The following TBC1D1 variants were observed in gnomAD, a reference collection of about 807,000 sequenced individuals.
The protein encoded by TBC1D1 is TBC1 (tre-2/USP6, BUB2, cdc16) domain family, member 1.
In TBC1D1, 89 loss-of-function variants were observed where a neutral mutation model predicts 125.6. The observed-to-expected ratio is 0.71, with a 90% CI of 0.60 to 0.85. TBC1D1 has a LOEUF of 0.85. TBC1D1 is among the 40% of genes least tolerant of loss of function. The probability of loss-of-function intolerance (pLI) is 0.00; values close to 1 mark genes in which losing one functional copy is unlikely to be tolerated. For synonymous variants in TBC1D1, 565 were observed against 564.1 expected, an observed-to-expected ratio of 1.00 and a Z score of -0.02; for missense variants, 1,377 against 1,469.2, an observed-to-expected ratio of 0.94 and a Z score of 1.03.
In TBC1D1 at chr4:38,014,499, C is replaced by T. The variant is rs760962386; in HGVS notation, c.418-10C>T. 1 of 1,608,432 alleles carries T rather than the reference C, an allele frequency of 6.2e-7. No individual in the cohort carries two copies. The highest frequency in any genetic ancestry group is 1.3e-5 in the African/African-American group (1 of 74,856). Reference sequence around the variant, plus strand: ...CATGTTCCAAATAACACGCCTCTCTCTCTCCTCAGGTGCCTGAGATCATCA... The same window carrying T: ...CATGTTCCAAATAACACGCCTCTCTTTCTCCTCAGGTGCCTGAGATCATCA... On this transcript the variant is annotated splice_polypyrimidine_tract_variant and intron_variant, in intron 2 of 19. Transcript: ENST00000261439. The surrounding 1 kb of genome is among the most constrained non-coding windows in gnomAD (Gnocchi z 5.1).
intron 2 of TBC1D1, among the ~76,000 whole-genome samples, chr4:37,941,656 C>A (rs1389754911): frequency 1.3e-5 from 2 of 152,174 alleles, no homozygotes; most frequent in African/African-American, 2.4e-5. Context: ...CTCTTGTGGG[C>A]ATTTAGTGCT....
At chr4:37,954,824 G>GAA (rs11380099) in intron 2 of TBC1D1, among the ~76,000 whole-genome samples, 1,764 of 131,530 alleles carry the variant, frequency 0.013, 36 homozygotes, top group African/African-American at 0.045. Flanking sequence ...CAGCTGACAT[G>GAA]AAAAAAAAAA....
At chr4:37,906,786 A>T (rs1393632926) in intron 2 of TBC1D1, among the ~76,000 whole-genome samples, 1 of 152,232 alleles carries the variant, frequency 6.6e-6, no homozygotes, top group African/African-American at 2.4e-5. Flanking sequence ...GACCCCTTGT[A>T]TACTTAAACT....
intron 7 of TBC1D1, among the ~76,000 whole-genome samples, chr4:38,028,699 A>G (rs1261776036): frequency 1.3e-5 from 2 of 152,202 alleles, no homozygotes; most frequent in Non-Finnish European, 2.9e-5. Context: ...TAAAATGGAA[A>G]GCGCCTCAGG....
intron 12 of TBC1D1, among the ~76,000 whole-genome samples, chr4:38,087,719 G>A (rs61441161): frequency 0.034 from 5,197 of 151,454 alleles, 237 homozygotes; most frequent in African/African-American, 0.1. Flanking sequence ...GCGCATGCCT[G>A]TAATTCCAAC....
intron 18 of TBC1D1, among the ~76,000 whole-genome samples, chr4:38,131,760 C>A (rs772668970): frequency 6.6e-6 from 1 of 152,198 alleles, no homozygotes; most frequent in African/African-American, 2.4e-5. Context: ...GCTGACCTCA[C>A]GGTCGCTCTG....
intron 12 of TBC1D1, among the ~76,000 whole-genome samples, chr4:38,089,390 A>G (rs1758059213): frequency 6.6e-6 from 1 of 152,236 alleles, no homozygotes; most frequent in Non-Finnish European, 1.5e-5. Context: ...GCCAGATAGC[A>G]CAGTGGTTAA....
chr4:37,950,759 C>CT (rs35602268), intron 2 of TBC1D1, among the ~76,000 whole-genome samples: 14,059 of 137,774 alleles, frequency 0.1, 817 homozygotes, highest in African/African-American at 0.16. Context: ...CATGTAGTCA[C>CT]TTTTTTTTTT....
At chr4:38,043,779 A>G (rs187411752) in intron 8 of TBC1D1, among the ~76,000 whole-genome samples, 166 of 152,290 alleles carry the variant, frequency 1.1e-3, no homozygotes, top group African/African-American at 3.9e-3. Flanking sequence ...AACGCAAGAA[A>G]GCAAGAGATC....
chr4:38,058,074 G>A (rs1462315943), intron 12 of TBC1D1, among the ~76,000 whole-genome samples: 1 of 152,226 alleles, frequency 6.6e-6, no homozygotes, highest in Non-Finnish European at 1.5e-5. Flanking sequence ...TGGAAAACAT[G>A]TTTCTGGGCA....
At chr4:38,047,764 G>A (rs1440837196) in intron 10 of TBC1D1, among the ~76,000 whole-genome samples, 1 of 152,142 alleles carries the variant, frequency 6.6e-6, no homozygotes. Context: ...CCAGGGAAAA[G>A]GTGAGGGGTG....
At position 38,079,650 on chromosome 4, in the gene TBC1D1, C is replaced by T. The variant is rs545830658; in HGVS notation, c.2051-10282C>T. Among the ~76,000 whole-genome samples the T allele has an allele frequency of 6.6e-5, 10 of 152,134 alleles. No homozygotes were observed. In the South Asian group the frequency reaches 8.3e-4, roughly 13 times the overall value. Reference sequence around the variant, plus strand: ...GCTGAGGCAAGGGAATCACTTGAACCCTGGAAGGCGGAGGTTGCAATGAGC... The same window carrying T: ...GCTGAGGCAAGGGAATCACTTGAACTCTGGAAGGCGGAGGTTGCAATGAGC... On this transcript the variant is annotated intron_variant, in intron 12 of 19. Coordinates refer to ENST00000261439, the MANE Select transcript of TBC1D1 (RefSeq NM_015173.4).
intron 2 of TBC1D1, among the ~76,000 whole-genome samples, chr4:37,981,126 A>G (rs138036571): frequency 0.018 from 2,777 of 152,164 alleles, 43 homozygotes; most frequent in Middle Eastern, 0.071. Flanking sequence ...TATTTTTAGT[A>G]GAGACAGGGT....
At chr4:38,109,074 G>C (rs545481829) in intron 15 of TBC1D1, among the ~76,000 whole-genome samples, 11 of 152,300 alleles carry the variant, frequency 7.2e-5, no homozygotes, top group Admixed American at 5.2e-4. Context: ...TTCCATCTTT[G>C]AGTTGAAGTC....
intron 2 of TBC1D1, among the ~76,000 whole-genome samples, chr4:37,938,047 T>G (rs932857215): frequency 6.6e-6 from 1 of 152,170 alleles, no homozygotes; most frequent in Non-Finnish European, 1.5e-5. Context: ...GACAGTCTCC[T>G]GTTTAGGATG....
intron 2 of TBC1D1, chr4:37,952,448 A>T (rs1728084829): frequency 5.3e-6 from 1 of 190,438 alleles, no homozygotes; most frequent in African/African-American, 2.3e-5. Flanking sequence ...CTATGCAGCC[A>T]TAAAAAGAAA....
chr4:37,943,394 T>C (rs1725989539), intron 2 of TBC1D1, among the ~76,000 whole-genome samples: 1 of 152,226 alleles, frequency 6.6e-6, no homozygotes, highest in Admixed American at 6.5e-5. Context: ...CCTTGCTAGG[T>C]TGGGGAAGTT....
At chr4:37,969,344 TTTTG>T (rs1414883781) in intron 2 of TBC1D1, among the ~76,000 whole-genome samples, 6 of 152,198 alleles carry the variant, frequency 3.9e-5, no homozygotes, top group African/African-American at 9.7e-5. Context: ...TTATCTGTGT[TTTTG>T]TTTGTTTGTT....
At chr4:37,963,395 G>A (rs1286792412) in intron 2 of TBC1D1, among the ~76,000 whole-genome samples, 1 of 151,780 alleles carries the variant, frequency 6.6e-6, no homozygotes, top group Non-Finnish European at 1.5e-5. Flanking sequence ...GAGTTGAGGT[G>A]GGGGGTGAGG....
Sources: gnomAD v4.1 joint callset for allele counts (sites outside exome capture counted in the v4.1 genomes callset) on GRCh38, gnomAD v4.1.1 for gene constraint, Gnocchi (gnomAD v3.1) non-coding constraint, MANE v1.5 for transcripts, NCBI Gene and HGNC (gene_info 2026-07-23, HGNC 2026-07-21) for gene names.